The following NCKAP5 variants were observed in gnomAD, a reference collection of about 807,000 sequenced individuals.
The protein encoded by NCKAP5 is nck-associated protein 5.
NCKAP5 carries 92 observed loss-of-function variants against 167.0 expected under a neutral mutation model. The observed-to-expected ratio is 0.55, with a 90% confidence interval of 0.47 to 0.66. NCKAP5 has a LOEUF of 0.66. Ranked by LOEUF, NCKAP5 falls within the 30% of genes least tolerant of loss-of-function variation. The probability of loss-of-function intolerance (pLI) is 0.00; values close to 1 mark genes in which losing one functional copy is unlikely to be tolerated. For missense variants in NCKAP5, 2,378 were observed against 2,315.0 expected (o/e 1.03, Z -0.56); for synonymous variants, 891 against 877.4 (o/e 1.02, Z -0.27).
In NCKAP5 at chr2:132,971,843, C is replaced by T. The variant is rs190378066; in HGVS notation, c.430-7974G>A. Among the ~76,000 whole-genome samples, 6 of 152,240 alleles carry T rather than the reference C, an allele frequency of 3.9e-5. No homozygotes were observed. In the East Asian group the frequency reaches 5.8e-4, roughly 15 times the overall value. The stretch of plus-strand genomic sequence containing the variant: ...CGGCTTGTTTAAAACGCAGATTCCT[C>T]GGTGCACTCTGGCCCTAGTGACTCA... On this transcript the variant is annotated intron_variant, in intron 7 of 19. Coordinates refer to ENST00000409261, the MANE Select transcript of NCKAP5 (RefSeq NM_207363.3).
chr2:133,098,827 A>T lies in NCKAP5; in HGVS notation c.341+31151T>A, dbSNP rs187371755. 4.6e-5 allele frequency among the ~76,000 whole-genome samples: 7 copies of T among 152,356 alleles called. No individual in the cohort carries two copies. The East Asian group carries it at 9.6e-4, about 21-fold the overall frequency. Reference sequence around the variant, plus strand: ...CACATTATTAGTTTTAGAGAAGTACATGCTTAATTATCAAGGGAGTTTCTG... The same window carrying T: ...CACATTATTAGTTTTAGAGAAGTACTTGCTTAATTATCAAGGGAGTTTCTG... On this transcript the variant is annotated intron_variant, in intron 6 of 19. Transcript: ENST00000409261.
chr2:133,557,803 AG>A (rs1191941785), intron 2 of NCKAP5, among the ~76,000 whole-genome samples: 16 of 152,320 alleles, frequency 1.1e-4, no homozygotes, highest in Non-Finnish European at 1.6e-4. Context: ...TTGGGAAAAC[AG>A]GGGACTACTG....
intron 3 of NCKAP5, among the ~76,000 whole-genome samples, chr2:133,478,694 C>A (rs145199245): frequency 6.6e-6 from 1 of 152,188 alleles, no homozygotes; most frequent in Non-Finnish European, 1.5e-5. Context: ...ATTTCACTAC[C>A]CTTACCCTAG....
At chr2:133,509,973 T>C (rs956942759) in intron 3 of NCKAP5, among the ~76,000 whole-genome samples, 1 of 151,916 alleles carries the variant, frequency 6.6e-6, no homozygotes, top group East Asian at 1.9e-4. Flanking sequence ...TTTTCAGAGA[T>C]GAAAGGAAGG....
At chr2:133,460,448 T>G (rs1172473370) in intron 3 of NCKAP5, among the ~76,000 whole-genome samples, 4 of 152,200 alleles carry the variant, frequency 2.6e-5, no homozygotes, top group Non-Finnish European at 5.9e-5. Context: ...AATATCTTAT[T>G]ACTACTAAGT....
At chr2:133,171,476 CT>C (rs2084246087) in intron 5 of NCKAP5, among the ~76,000 whole-genome samples, 1 of 152,150 alleles carries the variant, frequency 6.6e-6, no homozygotes, top group South Asian at 2.1e-4. Context: ...TGGTCTCTTT[CT>C]CACCCAAGAG....
chr2:133,312,823 T>G (rs1681341503), intron 3 of NCKAP5, among the ~76,000 whole-genome samples: 1 of 152,244 alleles, frequency 6.6e-6, no homozygotes, highest in Non-Finnish European at 1.5e-5. Flanking sequence ...TTTTCAAAGT[T>G]AACATGGCAA....
intron 3 of NCKAP5, among the ~76,000 whole-genome samples, chr2:133,406,766 A>T (rs1477365345): frequency 6.6e-6 from 1 of 152,202 alleles, no homozygotes; most frequent in East Asian, 1.9e-4. Context: ...TCAGCCAGAC[A>T]CTGTCTATAC....
intron 6 of NCKAP5, among the ~76,000 whole-genome samples, chr2:133,034,136 T>G (rs1436191879): frequency 2.0e-5 from 3 of 151,962 alleles, no homozygotes; most frequent in Admixed American, 2.0e-4. Context: ...AAAGAAACAA[T>G]TAACATAAGC....
At chr2:133,477,606 AT>A (rs1186533287) in intron 3 of NCKAP5, among the ~76,000 whole-genome samples, 2 of 152,230 alleles carry the variant, frequency 1.3e-5, no homozygotes, top group African/African-American at 4.8e-5. Context: ...TATAAATTAG[AT>A]ACCACAAGAG....
the NCKAP5 span, among the ~76,000 whole-genome samples, chr2:133,604,545 TCTA>T: frequency 6.6e-6 from 1 of 151,952 alleles, no homozygotes; most frequent in Non-Finnish European, 1.5e-5. Context: ...TGGGGGGAAT[TCTA>T]CTGTTTATTC....
At chr2:133,602,345 G>T in the NCKAP5 span, among the ~76,000 whole-genome samples, 1 of 152,190 alleles carries the variant, frequency 6.6e-6, no homozygotes, top group Non-Finnish European at 1.5e-5. Flanking sequence ...TGGAATGTGA[G>T]CAGTGAGGCA....
At chr2:133,627,688 A>G in the NCKAP5 span, among the ~76,000 whole-genome samples, 1 of 152,222 alleles carries the variant, frequency 6.6e-6, no homozygotes, top group African/African-American at 2.4e-5. Context: ...TGTGCCTCAA[A>G]AAAAAAGAAA....
chr2:133,668,401 C>G, the NCKAP5 span, among the ~76,000 whole-genome samples: 46 of 151,994 alleles, frequency 3.0e-4, 1 homozygote, highest in African/African-American at 1.0e-3. Context: ...TTTACATTCC[C>G]GCCAGCAATA....
chr2:133,327,167 A>T (rs1307246212), intron 3 of NCKAP5, among the ~76,000 whole-genome samples: 1 of 152,176 alleles, frequency 6.6e-6, no homozygotes, highest in Non-Finnish European at 1.5e-5. Flanking sequence ...CAGAGGAAAC[A>T]CTGGGAATCT....
chr2:132,787,957 C>T (rs1422398617), intron 13 of NCKAP5, among the ~76,000 whole-genome samples: 4 of 152,162 alleles, frequency 2.6e-5, no homozygotes. Flanking sequence ...CATTCTGGAG[C>T]CTGCCAGGTG....
Position 132,785,348 on chromosome 2 carries a change from A to G in NCKAP5, c.1463T>C (p.Leu488Pro). ...ADDDPSTLAL[L>P]QAVPNQSCRP... ...GCAGCTCTGGTTTGGAACTGCTTGG[A>G]GCAATGCTAAGGTGGAAGGGTCATC... The change falls in exon 14 of 20, where the codon CTC becomes CCC. Residue 488 changes from leucine (L) to proline (P), a missense_variant. Transcript: ENST00000409261. 2 of 1,613,850 alleles carry G rather than the reference A, an allele frequency of 1.2e-6. No homozygotes were observed. The highest frequency in any genetic ancestry group is 1.7e-6 in the Non-Finnish European group (2 of 1,179,834).
At chr2:133,204,544 G>T (rs915193498) in intron 5 of NCKAP5, among the ~76,000 whole-genome samples, 1 of 152,164 alleles carries the variant, frequency 6.6e-6, no homozygotes, top group South Asian at 2.1e-4. Context: ...CCTCCTGAGG[G>T]GCCTTGAAAT....
the NCKAP5 span, among the ~76,000 whole-genome samples, chr2:133,580,893 G>A: frequency 6.6e-5 from 10 of 152,142 alleles, no homozygotes; most frequent in South Asian, 2.1e-4. Flanking sequence ...GGAGAGTTTC[G>A]GAAATGAATA....
Sources: gnomAD v4.1 joint callset for allele counts (sites outside exome capture counted in the v4.1 genomes callset) on GRCh38, gnomAD v4.1.1 for gene constraint, MANE v1.5 for transcripts, NCBI Gene and HGNC (gene_info 2026-07-23, HGNC 2026-07-21) for gene names.